LCOR: variants seen among roughly 807,000 people sequenced by gnomAD.
LCOR encodes the protein ligand dependent nuclear receptor corepressor, also known as ligand-dependent corepressor.
Under a neutral mutation model 64.4 loss-of-function variants are expected in LCOR, and 14 were observed. The ratio of observed to expected loss-of-function variants is 0.22; its 90% confidence interval spans 0.14 to 0.34. LCOR has a LOEUF of 0.34. Ranked by LOEUF, LCOR falls within the 10% of genes least tolerant of loss-of-function variation. The pLI is 1.00. For synonymous variants in LCOR, 643 were observed against 642.5 expected (o/e 1.00, Z -0.01); for missense variants, 1,686 against 1,765.3 (o/e 0.96, Z 0.80).
intron 2 of LCOR, among the ~76,000 whole-genome samples, chr10:96,835,003 CGGTTCTTCTGCGTCA>C (rs1564596086): frequency 6.6e-6 from 1 of 152,168 alleles, no homozygotes; most frequent in African/African-American, 2.4e-5. Flanking sequence ...CAGGTTCAAG[CGGTTCTTCTGCGTCA>C]GCCTCCCGAG....
Position 96,983,916 on chromosome 10 carries a change from G to C in LCOR, c.3456G>C (p.Lys1152Asn). Residue 1152 changes from lysine to asparagine, a missense_variant, in exon 8 of 8, where the codon AAG becomes AAC. Physicochemically the swap from Lys to Asn is moderately conservative, Grantham distance 94. Transcript: ENST00000421806. This position sits in a 1 kb window ranked among gnomAD's most constrained non-coding sequence, Gnocchi z 4.5. ...AACTGAAAGAGATTTGGAAAAGCAA[G>C]AAAAGGTCACGGAAATGTAGGAGTT... ...SDKLKEIWKSKKRSRKCRSSL... is the reference protein window; with the variant it reads ...SDKLKEIWKSNKRSRKCRSSL... 6.2e-7 allele frequency: 1 copy of C among 1,614,192 alleles called. No homozygotes were observed. The highest frequency in any genetic ancestry group is 8.5e-7 in the Non-Finnish European group (1 of 1,180,022).
chr10:96,969,972 T>TTG (rs1242363309), intron 7 of LCOR, among the ~76,000 whole-genome samples: 3 of 143,172 alleles, frequency 2.1e-5, no homozygotes, highest in African/African-American at 5.3e-5. Context: ...TTTTTTTTTT[T>TTG]AGTAGAGATG....
intron 2 of LCOR, among the ~76,000 whole-genome samples, chr10:96,886,628 A>G (rs1471517154): frequency 6.6e-6 from 1 of 152,086 alleles, no homozygotes; most frequent in South Asian, 2.1e-4. Flanking sequence ...GGGTCCTTGT[A>G]TAAATCTAAT....
chr10:96,930,463 T>G (rs984018387), intron 4 of LCOR, among the ~76,000 whole-genome samples: 1 of 152,252 alleles, frequency 6.6e-6, no homozygotes, highest in East Asian at 1.9e-4. Flanking sequence ...TTCGATTAAT[T>G]TGGAAAGAAT....
intron 4 of LCOR, among the ~76,000 whole-genome samples, chr10:96,931,319 C>T (rs531519339): frequency 6.6e-6 from 1 of 151,502 alleles, no homozygotes; most frequent in Non-Finnish European, 1.5e-5. Context: ...CTGCAACTTC[C>T]GCCTCCCAGG....
intron 4 of LCOR, among the ~76,000 whole-genome samples, chr10:96,922,895 T>C (rs1474814560): frequency 6.6e-6 from 1 of 152,214 alleles, no homozygotes; most frequent in East Asian, 1.9e-4. Context: ...ATGCCGTATT[T>C]AACTCTTCAA....
intron 2 of LCOR, among the ~76,000 whole-genome samples, chr10:96,864,568 C>T (rs1845939717): frequency 6.6e-6 from 1 of 152,158 alleles, no homozygotes; most frequent in Non-Finnish European, 1.5e-5. Context: ...ATCAGTTACA[C>T]AAGGAACCAG....
In LCOR at chr10:96,989,516, A is replaced by G. The variant is rs1400801248; in HGVS notation, c.*4382A>G. 6.6e-6 allele frequency: 1 copy of G among 151,806 alleles called. No individual in the cohort carries two copies. Among genetic ancestry groups the G allele is most frequent in the East Asian group, 1.9e-4 (1 of 5,190 alleles). 9.4% of individuals were successfully genotyped at this position (151,806 alleles called of 1,614,324 possible). On this transcript the variant is annotated 3_prime_UTR_variant, in exon 8 of 8. Coordinates refer to ENST00000421806, the MANE Select transcript of LCOR (RefSeq NM_001346516.2). ...TTTTGGTACTGATACCTTTTCAGCC[A>G]CATACTTTCAAAATAATTTTATTAA...
intron 2 of LCOR, among the ~76,000 whole-genome samples, chr10:96,902,295 A>C (rs1846653835): frequency 6.6e-6 from 1 of 152,170 alleles, no homozygotes; most frequent in African/African-American, 2.4e-5. Context: ...TTTTGTCATC[A>C]GTTCTTGTGC....
intron 2 of LCOR, among the ~76,000 whole-genome samples, chr10:96,869,154 G>A (rs755697408): frequency 7.9e-5 from 12 of 152,200 alleles, no homozygotes; most frequent in Non-Finnish European, 1.2e-4. Context: ...TGATCCCCCC[G>A]CTTCGGCCTC....
intron 4 of LCOR, among the ~76,000 whole-genome samples, chr10:96,942,686 A>T (rs571928299): frequency 3.3e-5 from 5 of 152,292 alleles, no homozygotes; most frequent in African/African-American, 1.2e-4. Context: ...TTAGGATGGG[A>T]AATCATAGAA....
intron 2 of LCOR, among the ~76,000 whole-genome samples, chr10:96,853,294 C>T (rs182718765): frequency 1.3e-5 from 2 of 152,220 alleles, no homozygotes; most frequent in East Asian, 1.9e-4. Context: ...GTGATCTGCC[C>T]GCCTCAGCCT....
intron 7 of LCOR, chr10:96,958,024 A>G: frequency 4.0e-6 from 4 of 1,008,822 alleles, no homozygotes; most frequent in Non-Finnish European, 4.7e-6. Flanking sequence ...AATCATAGAA[A>G]GTTTGCTGAA....
chr10:96,833,067 C>G (rs906081844), intron 1 of LCOR: 1 of 986,420 alleles, frequency 1.0e-6, no homozygotes, highest in Non-Finnish European at 1.2e-6. Flanking sequence ...AGCGGCTGCA[C>G]TTCCTCAGCG....
In LCOR at chr10:96,985,278, G is replaced by C; in HGVS notation, c.*144G>C. 1 of 1,034,652 alleles carries C rather than the reference G, an allele frequency of 9.7e-7. No homozygotes were observed. The highest frequency in any genetic ancestry group is 1.6e-5 in the African/African-American group (1 of 61,232). 64.1% of individuals were successfully genotyped at this position (1,034,652 alleles called of 1,614,324 possible). ...ACCGTAATTTGAGATGTCAGAAAATGCATCTCAGATGGAGAAGGGAACTTG... is the reference window on the plus strand; with the variant it reads ...ACCGTAATTTGAGATGTCAGAAAATCCATCTCAGATGGAGAAGGGAACTTG... On this transcript the variant is annotated 3_prime_UTR_variant, in exon 8 of 8. Coordinates refer to ENST00000421806, the MANE Select transcript of LCOR (RefSeq NM_001346516.2).
At chr10:96,958,958 T>C (rs1010952611) in intron 7 of LCOR, 1 of 139,958 alleles carries the variant, frequency 7.1e-6, no homozygotes, top group Non-Finnish European at 1.6e-5. Flanking sequence ...TCAAAAGATA[T>C]ATATTTTACC....
At chr10:96,896,250 A>G (rs57176653) in intron 2 of LCOR, among the ~76,000 whole-genome samples, 4 of 152,256 alleles carry the variant, frequency 2.6e-5, no homozygotes, top group African/African-American at 7.2e-5. Context: ...CCGTATAGTC[A>G]TACCTTATGT....
chr10:96,939,080 G>A (rs887894732), intron 4 of LCOR, among the ~76,000 whole-genome samples: 1 of 152,150 alleles, frequency 6.6e-6, no homozygotes, highest in African/African-American at 2.4e-5. Flanking sequence ...GAACAAATTG[G>A]GAGGATTTAC....
At chr10:96,833,035 G>A (rs1017145209) in intron 1 of LCOR, 1 of 986,058 alleles carries the variant, frequency 1.0e-6, no homozygotes, top group African/African-American at 1.7e-5. Context: ...GAGCCAAGTG[G>A]GGTGTCATGG....
Sources: gnomAD v4.1 joint callset for allele counts (sites outside exome capture counted in the v4.1 genomes callset) on GRCh38, gnomAD v4.1.1 for gene constraint, Gnocchi (gnomAD v3.1) non-coding constraint, MANE v1.5 for transcripts, NCBI Gene and HGNC (gene_info 2026-07-23, HGNC 2026-07-21) for gene names.